The following PCCA variants were observed in gnomAD, a reference collection of about 807,000 sequenced individuals.
PCCA encodes the protein propionyl-CoA carboxylase subunit alpha.
A neutral mutation model predicts 101.3 loss-of-function variants in PCCA; 74 were observed. The ratio of observed to expected loss-of-function variants is 0.73; its 90% CI spans 0.61 to 0.89. The LOEUF is 0.89. PCCA is among the 40% of genes least tolerant of loss of function. PCCA has a pLI of 0.00. For synonymous variants in PCCA, 294 were observed against 313.6 expected (o/e 0.94, Z 0.66); for missense variants, 891 against 907.0 (o/e 0.98, Z 0.23).
chr13:100,311,508 G>A (rs1192147665), intron 16 of PCCA, among the ~76,000 whole-genome samples: 2 of 152,018 alleles, frequency 1.3e-5, no homozygotes, highest in African/African-American at 2.4e-5. Flanking sequence ...GGTGGCTCAC[G>A]CCTGTAATCC....
chr13:100,292,495 C>T (rs1466057742), intron 12 of PCCA, among the ~76,000 whole-genome samples: 1 of 152,208 alleles, frequency 6.6e-6, no homozygotes. Flanking sequence ...CTGGTTTATA[C>T]TGAGCACACA....
chr13:100,256,507 T>C (rs1248194788), intron 8 of PCCA, among the ~76,000 whole-genome samples: 4 of 152,174 alleles, frequency 2.6e-5, no homozygotes, highest in Non-Finnish European at 5.9e-5. Context: ...TACCAGCCCA[T>C]ATAAACATCA....
At chr13:100,441,981 C>T (rs1372741506) in intron 20 of PCCA, among the ~76,000 whole-genome samples, 2 of 140,150 alleles carry the variant, frequency 1.4e-5, no homozygotes, top group African/African-American at 2.5e-5. Context: ...TTTTCTTTTT[C>T]CTTTTTTCTT....
At chr13:100,465,427 A>T (rs2082440477) in intron 21 of PCCA, among the ~76,000 whole-genome samples, 2 of 152,210 alleles carry the variant, frequency 1.3e-5, no homozygotes, top group African/African-American at 4.8e-5. Context: ...TTTTAAAATC[A>T]GGGAGTGACA....
intron 19 of PCCA, among the ~76,000 whole-genome samples, chr13:100,395,844 A>G (rs2077019517): frequency 1.3e-5 from 2 of 152,222 alleles, no homozygotes; most frequent in Admixed American, 1.3e-4. Flanking sequence ...CCCTATTTCT[A>G]GTAGTTGAAG....
At chr13:100,276,658 A>G (rs189705685) in intron 12 of PCCA, among the ~76,000 whole-genome samples, 2 of 151,952 alleles carry the variant, frequency 1.3e-5, no homozygotes, top group South Asian at 2.1e-4. Flanking sequence ...ACCTTCCCTT[A>G]TGCTGTATTT....
At chr13:100,469,648 C>T (rs9582396) in intron 21 of PCCA, among the ~76,000 whole-genome samples, 10 of 151,804 alleles carry the variant, frequency 6.6e-5, no homozygotes, top group African/African-American at 1.5e-4. Context: ...TGGTGGCAGG[C>T]GCCTGTAGTC....
At chr13:100,141,012 T>C (rs1288088173) in intron 4 of PCCA, among the ~76,000 whole-genome samples, 1 of 152,334 alleles carries the variant, frequency 6.6e-6, no homozygotes, top group East Asian at 1.9e-4. Flanking sequence ...ATTGCTTGAA[T>C]GACTCAACTG....
intron 10 of PCCA, among the ~76,000 whole-genome samples, chr13:100,265,216 G>A (rs920167401): frequency 6.6e-5 from 10 of 152,122 alleles, no homozygotes; most frequent in African/African-American, 2.4e-4. Flanking sequence ...AGTCTACTTT[G>A]TGTACCCTAG....
chr13:100,303,411 A>G (rs1328997509), intron 14 of PCCA, among the ~76,000 whole-genome samples: 2 of 151,836 alleles, frequency 1.3e-5, no homozygotes, highest in African/African-American at 2.4e-5. Context: ...ATTTAAGGAG[A>G]TTGAATTAAG....
chr13:100,114,875 A>G (rs184077412), intron 4 of PCCA, among the ~76,000 whole-genome samples: 90 of 152,318 alleles, frequency 5.9e-4, no homozygotes, highest in Middle Eastern at 3.4e-3. Context: ...AGGTTTCTCA[A>G]AAAACTAAAA....
intron 12 of PCCA, among the ~76,000 whole-genome samples, chr13:100,285,155 G>A (rs2064499170): frequency 6.6e-6 from 1 of 152,120 alleles, no homozygotes; most frequent in South Asian, 2.1e-4. Flanking sequence ...AAACAGTTGT[G>A]GGGGTTCCTT....
At chr13:100,179,480 T>C (rs1465568601) in intron 6 of PCCA, among the ~76,000 whole-genome samples, 5 of 152,224 alleles carry the variant, frequency 3.3e-5, no homozygotes, top group Non-Finnish European at 5.9e-5. Flanking sequence ...GAGGTCATGG[T>C]AGACCCGCTT....
intron 2 of PCCA, 102 bp from the exon 3 acceptor site, chr13:100,111,739 G>T (rs138584872): frequency 8.3e-6 from 6 of 724,956 alleles, no homozygotes; most frequent in South Asian, 7.7e-5. Context: ...GTTTATTAGG[G>T]TTATATTCAG....
chr13:100,444,008 T>C (rs1372154113), intron 20 of PCCA, among the ~76,000 whole-genome samples: 1 of 152,128 alleles, frequency 6.6e-6, no homozygotes, highest in South Asian at 2.1e-4. Flanking sequence ...GTAAGAACTT[T>C]GTCAGGTATG....
intron 4 of PCCA, among the ~76,000 whole-genome samples, chr13:100,135,103 G>A (rs547796316): frequency 2.0e-5 from 3 of 151,432 alleles, no homozygotes; most frequent in African/African-American, 7.3e-5. Flanking sequence ...TCTTAAAATT[G>A]TATTGTTTGG....
intron 19 of PCCA, among the ~76,000 whole-genome samples, chr13:100,382,715 C>T (rs1452309127): frequency 6.6e-6 from 1 of 152,082 alleles, no homozygotes; most frequent in Non-Finnish European, 1.5e-5. Context: ...GAACATATTC[C>T]AAGCAAGCAA....
At chr13:100,267,340 T>C in intron 10 of PCCA, among the ~76,000 whole-genome samples, 1 of 152,220 alleles carries the variant, frequency 6.6e-6, no homozygotes, top group East Asian at 1.9e-4. Context: ...ATTGCTGTTA[T>C]GTTTTCCTTC....
At chr13:100,186,020 A>C (rs191657868) in intron 6 of PCCA, among the ~76,000 whole-genome samples, 10 of 152,330 alleles carry the variant, frequency 6.6e-5, no homozygotes, top group Admixed American at 6.5e-4. Context: ...TATTATTAGA[A>C]GTTTGAGTCT....
Sources: allele counts gnomAD v4.1 joint callset (sites outside exome capture counted in the v4.1 genomes callset), GRCh38; gene constraint gnomAD v4.1.1; transcripts MANE v1.5; gene names NCBI Gene and HGNC (gene_info 2026-07-23, HGNC 2026-07-21).